TMEM108: variants seen among roughly 807,000 people sequenced by gnomAD.
The protein encoded by TMEM108 is cancer/testis antigen 124.
Under a neutral mutation model 35.1 loss-of-function variants are expected in TMEM108, and 12 were observed. The observed-to-expected ratio is 0.34, with a 90% CI of 0.22 to 0.55. The LOEUF is 0.55. Among genes scored for constraint, TMEM108 ranks in the 20% least tolerant of loss-of-function variants. The pLI is 0.89. For synonymous variants in TMEM108, 287 were observed against 308.6 expected (o/e 0.93, Z 0.73); for missense variants, 680 against 753.3 (o/e 0.90, Z 1.14).
At chr3:133,097,174 ATC>A (rs1944025957) in intron 2 of TMEM108, among the ~76,000 whole-genome samples, 1 of 152,248 alleles carries the variant, frequency 6.6e-6, no homozygotes, top group African/African-American at 2.4e-5. Flanking sequence ...CAAGGTTAAT[ATC>A]TCTGCATCTG....
intron 3 of TMEM108, among the ~76,000 whole-genome samples, chr3:133,242,408 T>G (rs2107661529): frequency 6.6e-6 from 1 of 152,306 alleles, no homozygotes; most frequent in Middle Eastern, 3.4e-3. Context: ...CATGAGTTTA[T>G]ACAGTTTTTT....
intron 3 of TMEM108, among the ~76,000 whole-genome samples, chr3:133,234,101 A>C: frequency 6.6e-6 from 1 of 152,114 alleles, no homozygotes. Context: ...TGTTTTAGAC[A>C]TGAAGTGCTT....
intron 3 of TMEM108, among the ~76,000 whole-genome samples, chr3:133,251,596 A>G (rs9809358): frequency 0.6 from 91,847 of 152,020 alleles, 27,697 homozygotes; most frequent in South Asian, 0.65. Flanking sequence ...TTAGAATCCC[A>G]TCATCTTCAA....
At position 133,279,782 on chromosome 3, in the gene TMEM108, C is replaced by T. The variant is rs111579822; in HGVS notation, c.40+50431C>T. 4.1e-3 allele frequency among the ~76,000 whole-genome samples: 624 copies of T among 152,268 alleles called. 5 individuals carry two copies. The highest frequency in any genetic ancestry group is 0.014 in the African/African-American group (595 of 41,546). ...GGGTAACTTTCCTGTTAAGCACTTA[C>T]AGGCACAAAGCCCAGAATAGAATCT... On this transcript the variant is annotated intron_variant, in intron 3 of 5. Transcript: ENST00000321871.
intron 2 of TMEM108, among the ~76,000 whole-genome samples, chr3:133,135,209 C>T (rs191536309): frequency 1.7e-4 from 26 of 149,224 alleles, no homozygotes; most frequent in Admixed American, 1.3e-3. Context: ...TTTCCTTTAG[C>T]GGGTCTTTCT....
intron 3 of TMEM108, among the ~76,000 whole-genome samples, chr3:133,267,112 A>C (rs138073281): frequency 0.011 from 1,726 of 151,856 alleles, 12 homozygotes; most frequent in Non-Finnish European, 0.02. Context: ...CCCAAGGTAA[A>C]GGGATATAGT....
intron 2 of TMEM108, among the ~76,000 whole-genome samples, chr3:133,097,564 C>T (rs1316764483): frequency 6.6e-6 from 1 of 152,156 alleles, no homozygotes; most frequent in African/African-American, 2.4e-5. Context: ...AGAAAAATAA[C>T]ATTAATGGCA....
At chr3:133,072,684 C>A (rs1943690480) in intron 2 of TMEM108, among the ~76,000 whole-genome samples, 1 of 151,994 alleles carries the variant, frequency 6.6e-6, no homozygotes, top group Non-Finnish European at 1.5e-5. Context: ...TTATAAAATG[C>A]ACCTTTTAAA....
chr3:133,177,505 G>C (rs1945253333), intron 2 of TMEM108, among the ~76,000 whole-genome samples: 1 of 152,202 alleles, frequency 6.6e-6, no homozygotes, highest in African/African-American at 2.4e-5. Flanking sequence ...TGCAAGGCTG[G>C]TTCAACATAC....
intron 3 of TMEM108, among the ~76,000 whole-genome samples, chr3:133,355,350 T>C (rs1294662576): frequency 6.6e-6 from 1 of 152,208 alleles, no homozygotes; most frequent in Non-Finnish European, 1.5e-5. Flanking sequence ...ATGTGTCTTA[T>C]GGTCTCTGTG....
At chr3:133,216,142 A>T (rs529168382) in intron 2 of TMEM108, among the ~76,000 whole-genome samples, 4 of 152,194 alleles carry the variant, frequency 2.6e-5, no homozygotes, top group Middle Eastern at 3.4e-3. Flanking sequence ...GTCAATCTGC[A>T]TATCAAATAT....
At chr3:133,301,656 T>C (rs1190301043) in intron 3 of TMEM108, among the ~76,000 whole-genome samples, 1 of 152,156 alleles carries the variant, frequency 6.6e-6, no homozygotes, top group African/African-American at 2.4e-5. Context: ...TGGATGGGAT[T>C]AGGGGAAAAA....
intron 2 of TMEM108, among the ~76,000 whole-genome samples, chr3:133,054,983 T>C (rs1375475944): frequency 6.6e-6 from 1 of 152,194 alleles, no homozygotes; most frequent in East Asian, 1.9e-4. Flanking sequence ...GAGGAAAGAA[T>C]GTAGTTTGTT....
intron 2 of TMEM108, among the ~76,000 whole-genome samples, chr3:133,089,645 G>T (rs1163051074): frequency 6.6e-6 from 1 of 152,142 alleles, no homozygotes; most frequent in South Asian, 2.1e-4. Flanking sequence ...GCAGGAAAAA[G>T]GTTGGCTTAA....
In TMEM108 at chr3:133,130,589, A is replaced by G. The variant is rs74578329; in HGVS notation, c.-47+84569A>G. ...AAAAAGCAGGAACCTTTCATGATCT[A>G]CCTTAGGAAATCAGACAGCATCACT... On this transcript the variant is annotated intron_variant, in intron 2 of 5. Coordinates refer to ENST00000321871, the MANE Select transcript of TMEM108 (RefSeq NM_023943.4). 4.0e-3 allele frequency among the ~76,000 whole-genome samples: 603 copies of G among 152,292 alleles called. 3 individuals are homozygous for G. Among genetic ancestry groups the G allele is most frequent in the Non-Finnish European group, 7.1e-3 (486 of 68,024 alleles).
intron 2 of TMEM108, among the ~76,000 whole-genome samples, chr3:133,089,337 T>C (rs1943920581): frequency 6.6e-6 from 1 of 152,208 alleles, no homozygotes; most frequent in African/African-American, 2.4e-5. Context: ...CCAGTTTATG[T>C]TCGGTGCCTT....
chr3:133,255,450 C>G (rs1027567734), intron 3 of TMEM108, among the ~76,000 whole-genome samples: 2 of 151,922 alleles, frequency 1.3e-5, no homozygotes, highest in African/African-American at 4.8e-5. Context: ...TATCAATGTA[C>G]TAAAACAGAG....
intron 3 of TMEM108, among the ~76,000 whole-genome samples, chr3:133,241,859 C>T (rs1946318502): frequency 6.6e-6 from 1 of 152,132 alleles, no homozygotes; most frequent in African/African-American, 2.4e-5. Flanking sequence ...GGTAATCCAC[C>T]TGCCACAGCC....
intron 2 of TMEM108, among the ~76,000 whole-genome samples, chr3:133,049,733 C>T (rs574938784): frequency 5.2e-4 from 79 of 152,260 alleles, no homozygotes; most frequent in African/African-American, 1.9e-3. Flanking sequence ...TCTCTCTATG[C>T]CCTGACCCTT....
Sources: gnomAD v4.1 joint callset for allele counts (sites outside exome capture counted in the v4.1 genomes callset) on GRCh38, gnomAD v4.1.1 for gene constraint, MANE v1.5 for transcripts, NCBI Gene and HGNC (gene_info 2026-07-23, HGNC 2026-07-21) for gene names.